CFAP299: variants seen among roughly 807,000 people sequenced by gnomAD.
CFAP299 encodes the protein cilia- and flagella-associated protein 299.
In CFAP299, 21 loss-of-function variants were observed where a neutral mutation model predicts 27.0. That is an observed-to-expected ratio of 0.78 (90% CI 0.55 to 1.12). The LOEUF (loss-of-function observed/expected upper bound fraction) is 1.12. CFAP299 is among the 50% of genes most tolerant of loss of function. The pLI is 0.00. For missense variants in CFAP299, 310 were observed against 276.6 expected (o/e 1.12, Z -0.86); for synonymous variants, 104 against 98.1 (o/e 1.06, Z -0.36).
intron 2 of CFAP299, among the ~76,000 whole-genome samples, chr4:80,542,878 A>G (rs890486440): frequency 6.6e-5 from 10 of 151,976 alleles, no homozygotes; most frequent in Admixed American, 2.6e-4. Context: ...ATGCCCCACC[A>G]GAGTGCTTCT....
chr4:80,494,755 A>G (rs1731348412), intron 2 of CFAP299, among the ~76,000 whole-genome samples: 1 of 128,898 alleles, frequency 7.8e-6, no homozygotes. Context: ...TGTTGGGTAC[A>G]TTAATATGTT....
intron 3 of CFAP299, among the ~76,000 whole-genome samples, chr4:80,729,592 C>CTTTTTTTTT (rs34745276): frequency 3.1e-5 from 2 of 64,318 alleles, no homozygotes; most frequent in African/African-American, 5.8e-5. Context: ...GCTTCAGCAT[C>CTTTTTTTTT]TTTTTTTTTT....
intron 3 of CFAP299, among the ~76,000 whole-genome samples, chr4:80,674,474 C>G (rs369037536): frequency 6.6e-6 from 1 of 152,056 alleles, no homozygotes; most frequent in East Asian, 1.9e-4. Context: ...TCATTTCAAC[C>G]TTGATGAATC....
At chr4:80,852,856 A>G (rs1170126892) in intron 3 of CFAP299, among the ~76,000 whole-genome samples, 1 of 152,168 alleles carries the variant, frequency 6.6e-6, no homozygotes, top group Non-Finnish European at 1.5e-5. Context: ...TGATAGATGC[A>G]TATTAGGAAT....
At position 80,697,523 on chromosome 4, in the gene CFAP299, G is replaced by A. The variant is rs145616903; in HGVS notation, c.333+114340G>A. On this transcript the variant is annotated intron_variant, in intron 3 of 5. Transcript: ENST00000358105. ...AACAAAGCAACAATAGCAAAAGACA[G>A]AATTAAGTGAGAATCAATTGTTCTT... 6.3e-3 allele frequency among the ~76,000 whole-genome samples: 953 copies of A among 152,256 alleles called. 34 individuals carry two copies. The highest frequency in any genetic ancestry group is 0.059 in the Admixed American group (896 of 15,272).
At chr4:80,511,412 A>G (rs185236511) in intron 2 of CFAP299, among the ~76,000 whole-genome samples, 2 of 152,312 alleles carry the variant, frequency 1.3e-5, no homozygotes, top group Non-Finnish European at 2.9e-5. Flanking sequence ...AATGAAATTT[A>G]CTGAAATGCA....
chr4:80,909,944 G>A (rs1488605762), intron 4 of CFAP299, among the ~76,000 whole-genome samples: 1 of 152,026 alleles, frequency 6.6e-6, no homozygotes, highest in Non-Finnish European at 1.5e-5. Context: ...ATTAACTGAT[G>A]ATGTTTTTAA....
In CFAP299 at chr4:80,877,500, T is replaced by A. The variant is rs78337604; in HGVS notation, c.476+7365T>A. On this transcript the variant is annotated intron_variant, in intron 4 of 5. Transcript: ENST00000358105. ...AAAGTCAGAATCCCAGAGCAATCAC[T>A]TGGTAGTTTCTTTAGTTGTCTAGAA... 3.5e-3 allele frequency among the ~76,000 whole-genome samples: 535 copies of A among 152,294 alleles called. 3 individuals carry two copies. The highest frequency in any genetic ancestry group is 0.013 in the African/African-American group (521 of 41,576).
intron 2 of CFAP299, among the ~76,000 whole-genome samples, chr4:80,501,172 A>G (rs1323452253): frequency 2.0e-5 from 3 of 152,046 alleles, no homozygotes; most frequent in South Asian, 2.1e-4. Context: ...TCATAACTCT[A>G]GCTTACCTTA....
chr4:80,922,233 T>C (rs1017457513), intron 4 of CFAP299, among the ~76,000 whole-genome samples: 1 of 152,096 alleles, frequency 6.6e-6, no homozygotes, highest in East Asian at 1.9e-4. Context: ...GGTGACTCTG[T>C]TCACTGTTTT....
intron 3 of CFAP299, among the ~76,000 whole-genome samples, chr4:80,676,828 T>C (rs1286464978): frequency 6.6e-6 from 1 of 152,140 alleles, no homozygotes. Context: ...TTTTATTTAT[T>C]TGGGTCCTCT....
intron 3 of CFAP299, among the ~76,000 whole-genome samples, chr4:80,847,486 A>G (rs1316301799): frequency 6.6e-6 from 1 of 152,162 alleles, no homozygotes; most frequent in Non-Finnish European, 1.5e-5. Flanking sequence ...TTTATTACTA[A>G]TAGCTCCAGG....
chr4:80,858,385 G>T (rs1396666489), intron 3 of CFAP299, among the ~76,000 whole-genome samples: 1 of 151,892 alleles, frequency 6.6e-6, no homozygotes, highest in African/African-American at 2.4e-5. Context: ...TTTTTTGAAG[G>T]GTTTTTTTGT....
chr4:80,592,751 A>G (rs1477556875), intron 3 of CFAP299, among the ~76,000 whole-genome samples: 1 of 152,204 alleles, frequency 6.6e-6, no homozygotes, highest in Non-Finnish European at 1.5e-5. Flanking sequence ...ACACTGAAGT[A>G]ATATGTAACA....
intron 4 of CFAP299, among the ~76,000 whole-genome samples, chr4:80,875,661 T>C (rs1231041499): frequency 7.2e-6 from 1 of 139,088 alleles, no homozygotes; most frequent in Non-Finnish European, 1.5e-5. Context: ...TGAAACTCTG[T>C]CTCAAAAAAA....
intron 4 of CFAP299, among the ~76,000 whole-genome samples, chr4:80,939,635 A>C (rs575855304): frequency 6.6e-6 from 1 of 152,264 alleles, no homozygotes; most frequent in East Asian, 1.9e-4. Flanking sequence ...TTGTCACACA[A>C]CTTGTAAATC....
chr4:80,963,438 C>G (rs1255991576), intron 5 of CFAP299, 79 bp from the exon 6 acceptor site: 2 of 807,452 alleles, frequency 2.5e-6, no homozygotes, highest in East Asian at 6.1e-5. Flanking sequence ...CAATATAAAG[C>G]AAAAAAATAA....
intron 3 of CFAP299, among the ~76,000 whole-genome samples, chr4:80,776,564 C>T (rs1444974490): frequency 6.6e-6 from 1 of 151,918 alleles, no homozygotes; most frequent in African/African-American, 2.4e-5. Context: ...GGGAGGGGAA[C>T]ATCACACACC....
chr4:80,354,556 G>A (rs1723167556), intron 1 of CFAP299, among the ~76,000 whole-genome samples: 1 of 151,928 alleles, frequency 6.6e-6, no homozygotes, highest in Admixed American at 6.6e-5. Flanking sequence ...AGGGTTACAT[G>A]TACAGGTTTG....
Sources: allele counts gnomAD v4.1 joint callset (sites outside exome capture counted in the v4.1 genomes callset), GRCh38; gene constraint gnomAD v4.1.1; transcripts MANE v1.5; gene names NCBI Gene and HGNC (gene_info 2026-07-23, HGNC 2026-07-21).